The following CNTN3 variants were observed in gnomAD, a reference collection of about 807,000 sequenced individuals.
The protein encoded by CNTN3 is contactin-3.
CNTN3 carries 60 observed loss-of-function variants against 119.1 expected under a neutral mutation model. That is an observed-to-expected ratio of 0.50 (90% CI 0.41 to 0.62). The LOEUF is 0.62. Among genes scored for constraint, CNTN3 ranks in the 20% least tolerant of loss-of-function variants. CNTN3 has a pLI of 0.00. For synonymous variants in CNTN3, 450 were observed against 438.7 expected (o/e 1.03, Z -0.32); for missense variants, 1,101 against 1,242.4 (o/e 0.89, Z 1.71).
At chr3:74,558,077 C>T (rs570704986) in intron 1 of CNTN3, among the ~76,000 whole-genome samples, 2 of 152,258 alleles carry the variant, frequency 1.3e-5, no homozygotes, top group South Asian at 2.1e-4. Context: ...CCAGAGTTGC[C>T]CCAAATTGTA....
chr3:74,530,313 G>A (rs1017600000), intron 1 of CNTN3, among the ~76,000 whole-genome samples: 2 of 151,974 alleles, frequency 1.3e-5, no homozygotes, highest in Admixed American at 6.6e-5. Flanking sequence ...AGAAAGAAGT[G>A]CAAACATTTA....
At chr3:74,440,421 G>T (rs1274861922) in intron 4 of CNTN3, among the ~76,000 whole-genome samples, 2 of 150,952 alleles carry the variant, frequency 1.3e-5, no homozygotes, top group East Asian at 3.9e-4. Flanking sequence ...TTGCATAGTT[G>T]ATTTCTGTTC....
rs75740502 is a variant in CNTN3 at position 74,424,945 on chromosome 3, T to G, written c.359-5A>C. ...TGGTTTTAAAATTTTCAAGATCTGATTTGAAAACAAAACAAAACTGAATTT... is the reference window on the plus strand; with the variant it reads ...TGGTTTTAAAATTTTCAAGATCTGAGTTGAAAACAAAACAAAACTGAATTT... On this transcript the variant is annotated splice_polypyrimidine_tract_variant and splice_region_variant and intron_variant, in intron 4 of 22. Coordinates refer to ENST00000263665, the MANE Select transcript of CNTN3 (RefSeq NM_020872.3). 5,216 of 1,574,140 alleles carry G rather than the reference T, an allele frequency of 3.3e-3. 128 individuals carry two copies. In the African/African-American group the frequency reaches 0.058, roughly 17 times the overall value.
In CNTN3 at chr3:74,295,250, G is replaced by A. The variant is rs1268053706; in HGVS notation, c.2402-14C>T. 7.2e-7 allele frequency: 1 copy of A among 1,391,816 alleles called. No individual in the cohort carries two copies. The highest frequency in any genetic ancestry group is 1.4e-5 in the African/African-American group (1 of 70,492). The allele number at this position is 1,391,816 out of a possible 1,614,324, so 86.2% of individuals were successfully genotyped here. A position where few individuals can be genotyped will look rare whatever the true frequency, so the allele number is the denominator to read the frequency against. ...CCACTGTAGGCTCTGTTCGGAAACA[G>A]AAATTGAAATATGATGATAATTTTG... On this transcript the variant is annotated splice_polypyrimidine_tract_variant and intron_variant, in intron 18 of 22. Coordinates refer to ENST00000263665, the MANE Select transcript of CNTN3 (RefSeq NM_020872.3).
chr3:74,341,237 G>T (rs778371346), intron 11 of CNTN3, among the ~76,000 whole-genome samples: 10 of 152,278 alleles, frequency 6.6e-5, no homozygotes, highest in Non-Finnish European at 1.2e-4. Context: ...TTCAGTAAAT[G>T]AATGGAGTAA....
chr3:74,348,169 TG>T (rs780977033), intron 11 of CNTN3, among the ~76,000 whole-genome samples: 3 of 152,174 alleles, frequency 2.0e-5, no homozygotes, highest in Non-Finnish European at 4.4e-5. Context: ...CTAAGAGAGC[TG>T]ATCTTAAGTG....
chr3:74,443,597 C>T (rs779104955), intron 4 of CNTN3, among the ~76,000 whole-genome samples: 4 of 152,138 alleles, frequency 2.6e-5, no homozygotes, highest in South Asian at 2.1e-4. Context: ...GGCACATCTG[C>T]ACTTCAGTCA....
At chr3:74,264,539 T>C in intron 22 of CNTN3, 38 bp from the exon 23 acceptor site, 2 of 1,337,476 alleles carry the variant, frequency 1.5e-6, no homozygotes, top group Non-Finnish European at 2.1e-6. Context: ...ATAAGGATTG[T>C]ACCAATATGT....
At chr3:74,280,677 G>C (rs927103447) in intron 20 of CNTN3, among the ~76,000 whole-genome samples, 2 of 152,152 alleles carry the variant, frequency 1.3e-5, no homozygotes, top group African/African-American at 4.8e-5. Flanking sequence ...AATACTTATT[G>C]GGCACTGACT....
At chr3:74,456,134 A>G (rs971746827) in intron 4 of CNTN3, among the ~76,000 whole-genome samples, 1 of 152,102 alleles carries the variant, frequency 6.6e-6, no homozygotes, top group African/African-American at 2.4e-5. Context: ...GCATATAGCA[A>G]TTGCTGCTTG....
intron 1 of CNTN3, among the ~76,000 whole-genome samples, chr3:74,592,753 T>G (rs1704726924): frequency 1.3e-5 from 2 of 152,150 alleles, no homozygotes; most frequent in East Asian, 1.9e-4. Flanking sequence ...TCTCTTGTTC[T>G]TAATAAACTG....
At chr3:74,570,782 T>C (rs1486763842) in intron 1 of CNTN3, among the ~76,000 whole-genome samples, 1 of 152,198 alleles carries the variant, frequency 6.6e-6, no homozygotes, top group Non-Finnish European at 1.5e-5. Context: ...TTCTCTGACG[T>C]ATCACTTAGA....
chr3:74,318,705 G>T (rs530232926), intron 13 of CNTN3, among the ~76,000 whole-genome samples: 36 of 152,218 alleles, frequency 2.4e-4, no homozygotes, highest in African/African-American at 8.4e-4. Flanking sequence ...CTGCCTGATC[G>T]TTCCTCTGGA....
intron 2 of CNTN3, among the ~76,000 whole-genome samples, chr3:74,507,943 TTTC>T (rs924469919): frequency 1.3e-5 from 2 of 152,108 alleles, no homozygotes; most frequent in African/African-American, 4.8e-5. Flanking sequence ...CCCTGTTTCT[TTTC>T]TTAAGTGAGG....
chr3:74,562,713 A>G (rs576294402), intron 1 of CNTN3, among the ~76,000 whole-genome samples: 1 of 152,190 alleles, frequency 6.6e-6, no homozygotes, highest in South Asian at 2.1e-4. Flanking sequence ...TTAACACACT[A>G]TCAGAATGCT....
chr3:74,447,348 C>T (rs767910471), intron 4 of CNTN3, among the ~76,000 whole-genome samples: 1 of 152,152 alleles, frequency 6.6e-6, no homozygotes, highest in African/African-American at 2.4e-5. Flanking sequence ...TTCCCACTCT[C>T]CAATTTCCTG....
At chr3:74,315,736 G>T (rs1263504467) in intron 13 of CNTN3, among the ~76,000 whole-genome samples, 1 of 152,148 alleles carries the variant, frequency 6.6e-6, no homozygotes, top group Non-Finnish European at 1.5e-5. Flanking sequence ...ATCTTGTGGT[G>T]CTGGGATAAT....
At chr3:74,597,352 A>G (rs1007415948) in intron 1 of CNTN3, among the ~76,000 whole-genome samples, 2 of 151,988 alleles carry the variant, frequency 1.3e-5, no homozygotes, top group African/African-American at 2.4e-5. Flanking sequence ...CTAAGCAAAA[A>G]TCTTTCTAGA....
At chr3:74,446,260 T>C (rs1035919903) in intron 4 of CNTN3, among the ~76,000 whole-genome samples, 1 of 152,158 alleles carries the variant, frequency 6.6e-6, no homozygotes, top group Non-Finnish European at 1.5e-5. Context: ...AAAAATAGCA[T>C]ATGTGAAATT....
Sources: gnomAD v4.1 joint callset for allele counts (sites outside exome capture counted in the v4.1 genomes callset) on GRCh38, gnomAD v4.1.1 for gene constraint, MANE v1.5 for transcripts, NCBI Gene and HGNC (gene_info 2026-07-23, HGNC 2026-07-21) for gene names.